LRP1B: variants seen among roughly 807,000 people sequenced by gnomAD.
LRP1B encodes the protein LDL receptor related protein 1B.
Under a neutral mutation model 556.6 loss-of-function variants are expected in LRP1B, and 217 were observed. That is an observed-to-expected ratio of 0.39 (90% CI 0.35 to 0.44). The LOEUF (loss-of-function observed/expected upper bound fraction) is 0.44. LRP1B is among the 20% of genes least tolerant of loss of function. The pLI is 1.00. For missense variants in LRP1B, 5,053 were observed against 5,620.8 expected (o/e 0.90, Z 3.23); for synonymous variants, 2,047 against 1,865.8 (o/e 1.10, Z -2.50).
At chr2:140,783,986 G>A (rs1202203461) in intron 32 of LRP1B, among the ~76,000 whole-genome samples, 1 of 152,094 alleles carries the variant, frequency 6.6e-6, no homozygotes, top group African/African-American at 2.4e-5. Flanking sequence ...TCAAGGGTGG[G>A]GCCCAACAAT....
Position 141,993,462 on chromosome 2 carries a change from C to T in LRP1B, c.82+137186G>A, listed in dbSNP as rs533693011. ...CCTCCACCTTCCAATCTTCTAGCAT[C>T]GGCTCCCATTGGTAATGCCTATCAG... On this transcript the variant is annotated intron_variant, in intron 1 of 90. Transcript: ENST00000389484. Among the ~76,000 whole-genome samples, 8 of 152,128 alleles carry T rather than the reference C, an allele frequency of 5.3e-5. No homozygotes were observed. In the East Asian group the frequency reaches 7.7e-4, roughly 15 times the overall value.
intron 60 of LRP1B, among the ~76,000 whole-genome samples, chr2:140,471,259 T>G (rs1687755373): frequency 6.6e-6 from 1 of 151,906 alleles, no homozygotes; most frequent in Non-Finnish European, 1.5e-5. Flanking sequence ...TATCAGGTTT[T>G]CTGAAATGCC....
chr2:141,655,816 C>T lies in LRP1B; in HGVS notation c.205+154463G>A, dbSNP rs1294515644. On this transcript the variant is annotated intron_variant, in intron 2 of 90. Transcript: ENST00000389484. ...TTATACAGTCTTTGCTCTTAGGTTTCAGTTATTACTTTGCCAAGTAGGAAA... is the reference window on the plus strand; with the variant it reads ...TTATACAGTCTTTGCTCTTAGGTTTTAGTTATTACTTTGCCAAGTAGGAAA... Among the ~76,000 whole-genome samples, 3 of 152,002 alleles carry T rather than the reference C, an allele frequency of 2.0e-5. No individual in the cohort carries two copies. The East Asian group carries it at 5.8e-4, about 29-fold the overall frequency.
In LRP1B at chr2:140,233,118, C is replaced by T. The variant is rs1216586060; in HGVS notation, c.*68G>A. 6.9e-6 allele frequency: 7 copies of T among 1,020,276 alleles called. No individual in the cohort carries two copies. Among genetic ancestry groups the T allele is most frequent in the Non-Finnish European group, 9.7e-6 (7 of 722,472 alleles). The allele number at this position is 1,020,276 out of a possible 1,614,324, so 63.2% of individuals were successfully genotyped here. ...TGCTGATGCCAAAACAAGTATAATA[C>T]TGTTGGAACATACAAAAGTAATCCT... On this transcript the variant is annotated 3_prime_UTR_variant, in exon 91 of 91. Transcript: ENST00000389484.
chr2:141,508,520 AG>A (rs1406199024), intron 2 of LRP1B, among the ~76,000 whole-genome samples: 1 of 152,132 alleles, frequency 6.6e-6, no homozygotes, highest in African/African-American at 2.4e-5. Flanking sequence ...GGGAAGAAAA[AG>A]CTGCTTCAAA....
intron 66 of LRP1B, among the ~76,000 whole-genome samples, chr2:140,429,519 A>C (rs1027822644): frequency 1.2e-4 from 19 of 152,216 alleles, no homozygotes; most frequent in African/African-American, 4.3e-4. Context: ...CACAGATAGC[A>C]CCCGTTACTT....
intron 3 of LRP1B, among the ~76,000 whole-genome samples, chr2:141,472,034 A>C (rs1339650236): frequency 6.6e-6 from 1 of 152,228 alleles, no homozygotes; most frequent in African/African-American, 2.4e-5. Flanking sequence ...GTCCGAAGGA[A>C]GTTGAGTTTT....
intron 27 of LRP1B, among the ~76,000 whole-genome samples, chr2:140,864,724 T>C (rs984713315): frequency 6.6e-6 from 1 of 152,072 alleles, no homozygotes; most frequent in Admixed American, 6.6e-5. Flanking sequence ...ATAGTTAGAT[T>C]AGATGGCTTC....
In LRP1B at chr2:140,536,600, A is replaced by G. The variant is rs745690085; in HGVS notation, c.7623T>C (p.Asp2541=). 1.9e-6 allele frequency: 3 copies of G among 1,610,318 alleles called. No homozygotes were observed. Among genetic ancestry groups the G allele is most frequent in the Non-Finnish European group, 1.7e-6 (2 of 1,178,582 alleles). ...DGIPHCKDKS[D]EKLLYCENRS... ...ACTTACCACAGTAGAGCAGTTTTTC[A>G]TCTGATTTATCTTTACAGTGAGGAA... The change falls in exon 46 of 91, where the codon GAT becomes GAC. Residue 2541 remains aspartate, a synonymous_variant. Coordinates refer to ENST00000389484, the MANE Select transcript of LRP1B (RefSeq NM_018557.3).
At chr2:141,366,287 G>A (rs2105579374) in intron 3 of LRP1B, among the ~76,000 whole-genome samples, 1 of 152,294 alleles carries the variant, frequency 6.6e-6, no homozygotes, top group Admixed American at 6.5e-5. Flanking sequence ...TGGACAACTG[G>A]TGGGAGGTAT....
intron 2 of LRP1B, among the ~76,000 whole-genome samples, chr2:141,519,617 T>TTTC (rs1684463300): frequency 2.6e-5 from 4 of 151,932 alleles, no homozygotes; most frequent in Admixed American, 6.6e-5. Flanking sequence ...AAGAGAAACC[T>TTTC]ACTAGAACTC....
intron 2 of LRP1B, among the ~76,000 whole-genome samples, chr2:141,587,045 G>C (rs972129784): frequency 6.6e-6 from 1 of 151,190 alleles, no homozygotes; most frequent in Non-Finnish European, 1.5e-5. Flanking sequence ...AAAATGGCAC[G>C]TAAACAAACT....
intron 46 of LRP1B, 39 bp from the exon 47 acceptor site, chr2:140,534,179 A>T (rs1266991221): frequency 6.4e-7 from 1 of 1,565,300 alleles, no homozygotes; most frequent in Admixed American, 1.8e-5. Flanking sequence ...CAGAGATCAT[A>T]TAGAAATATT....
At chr2:140,501,951 A>G (rs1689216386) in intron 54 of LRP1B, 77 bp from the exon 55 acceptor site, 1 of 988,096 alleles carries the variant, frequency 1.0e-6, no homozygotes, top group Non-Finnish European at 1.4e-6. Context: ...AACATTCACA[A>G]ATATCATTAA....
intron 1 of LRP1B, among the ~76,000 whole-genome samples, chr2:141,927,827 C>G (rs1700375212): frequency 6.6e-6 from 1 of 151,026 alleles, no homozygotes; most frequent in Admixed American, 6.6e-5. Context: ...CCCATCTTCC[C>G]CCCAAGCTAC....
At chr2:141,894,061 C>T (rs1350476222) in intron 1 of LRP1B, among the ~76,000 whole-genome samples, 1 of 151,980 alleles carries the variant, frequency 6.6e-6, no homozygotes, top group Admixed American at 6.6e-5. Context: ...GACTTTTATA[C>T]CTTCATGAAA....
intron 3 of LRP1B, among the ~76,000 whole-genome samples, chr2:141,439,813 T>C (rs1251533812): frequency 2.0e-5 from 3 of 152,130 alleles, no homozygotes; most frequent in African/African-American, 7.2e-5. Flanking sequence ...ATTAAAGATG[T>C]TTTTTTAAAA....
intron 86 of LRP1B, among the ~76,000 whole-genome samples, chr2:140,252,136 A>G (rs1184347103): frequency 6.7e-6 from 1 of 149,178 alleles, no homozygotes; most frequent in Non-Finnish European, 1.5e-5. Context: ...ATTTTGGGAC[A>G]GATACTTAGA....
intron 42 of LRP1B, among the ~76,000 whole-genome samples, chr2:140,599,554 T>C (rs553229100): frequency 9.9e-5 from 15 of 152,080 alleles, no homozygotes; most frequent in African/African-American, 3.6e-4. Flanking sequence ...ATGACACTTA[T>C]TACCAAATAA....
Sources: gnomAD v4.1 joint callset for allele counts (sites outside exome capture counted in the v4.1 genomes callset) on GRCh38, gnomAD v4.1.1 for gene constraint, MANE v1.5 for transcripts, NCBI Gene and HGNC (gene_info 2026-07-23, HGNC 2026-07-21) for gene names.